Variants in TANGO6 observed in about 807,000 individuals in gnomAD.
TANGO6 encodes transport and Golgi organization protein 6 homolog.
A neutral mutation model predicts 114.2 loss-of-function variants in TANGO6; 90 were observed. The ratio of observed to expected loss-of-function variants is 0.79; its 90% CI spans 0.66 to 0.94. TANGO6 has a LOEUF of 0.94. Ranked by LOEUF, TANGO6 falls within the 40% of genes least tolerant of loss-of-function variation. The pLI is 0.00. For synonymous variants in TANGO6, 477 were observed against 509.8 expected (o/e 0.94, Z 0.87); for missense variants, 1,274 against 1,315.3 (o/e 0.97, Z 0.49).
intron 1 of TANGO6, among the ~76,000 whole-genome samples, chr16:68,845,088 C>T (rs996183623): frequency 1.4e-4 from 21 of 151,946 alleles, no homozygotes; most frequent in African/African-American, 4.6e-4. Flanking sequence ...CTGCTTCAGC[C>T]TCCCGAGTAG....
rs139616994 is a variant in TANGO6, at chr16:68,855,627, G to A, written c.95-4257G>A. ...CAGCCGGGCGTGGTGGTGCATGCCT[G>A]TAATCCCAGCACTTTGGGAGGCTGA... is the stretch of plus-strand genomic sequence containing the variant. On this transcript the variant is annotated intron_variant, in intron 1 of 17. Coordinates refer to ENST00000261778, the MANE Select transcript of TANGO6 (RefSeq NM_024562.2). Among the ~76,000 whole-genome samples, 1,338 of 152,084 alleles carry A rather than the reference G, an allele frequency of 8.8e-3. 16 individuals are homozygous for A. Among genetic ancestry groups the A allele is most frequent in the African/African-American group, 0.028 (1,176 of 41,502 alleles).
intron 1 of TANGO6, among the ~76,000 whole-genome samples, chr16:68,856,621 A>G (rs578154373): frequency 6.6e-6 from 1 of 152,196 alleles, no homozygotes; most frequent in Admixed American, 6.5e-5. Flanking sequence ...TAGTTTCCCC[A>G]TTAACATCTT....
chr16:68,917,200 A>G (rs1357073528), intron 11 of TANGO6, among the ~76,000 whole-genome samples: 1 of 152,030 alleles, frequency 6.6e-6, no homozygotes, highest in Non-Finnish European at 1.5e-5. Context: ...CCTTAGTAAT[A>G]TGCATTCGAG....
At chr16:69,062,876 C>T (rs958007341) in intron 17 of TANGO6, among the ~76,000 whole-genome samples, 1 of 149,412 alleles carries the variant, frequency 6.7e-6, no homozygotes, top group Admixed American at 6.7e-5. Context: ...TGGTGAATCA[C>T]GAGGTCAGGA....
chr16:68,862,962 G>A lies in TANGO6; in HGVS notation c.753G>A (p.Glu251=), dbSNP rs747629055. 300 of 1,596,108 alleles carry A rather than the reference G, an allele frequency of 1.9e-4. No individual in the cohort carries two copies. The highest frequency in any genetic ancestry group is 2.4e-4 in the Non-Finnish European group (282 of 1,171,420). ...TCTTTTAGGTTCTAACTGAAGAGGAGAGAACCCTATCCAGGGGGGCCTTGA... is the reference window on the plus strand; with the variant it reads ...TCTTTTAGGTTCTAACTGAAGAGGAAAGAACCCTATCCAGGGGGGCCTTGA... The part of the protein sequence containing the change: ...TPAEEVLTEE[E]RTLSRGALRD... Residue 251 remains glutamate (E), a synonymous_variant, in exon 3 of 18, where the codon GAG becomes GAA. Transcript: ENST00000261778.
chr16:68,970,496 T>A (rs1963691308), intron 14 of TANGO6, among the ~76,000 whole-genome samples: 1 of 151,548 alleles, frequency 6.6e-6, no homozygotes. Context: ...GGAGAAACCC[T>A]GTCTCTACTA....
intron 15 of TANGO6, among the ~76,000 whole-genome samples, chr16:68,982,591 A>G (rs1963847519): frequency 6.7e-6 from 1 of 149,892 alleles, no homozygotes; most frequent in African/African-American, 2.5e-5. Flanking sequence ...TGGCCTCCCA[A>G]AGTGCTGGGA....
intron 14 of TANGO6, among the ~76,000 whole-genome samples, chr16:68,941,746 A>AG (rs1963355990): frequency 6.6e-6 from 1 of 151,828 alleles, no homozygotes; most frequent in Admixed American, 6.6e-5. Context: ...ACTGTCTCTG[A>AG]GGGAAAAAAA....
At chr16:68,923,374 C>T (rs573876961) in intron 12 of TANGO6, among the ~76,000 whole-genome samples, 6 of 152,030 alleles carry the variant, frequency 3.9e-5, no homozygotes, top group South Asian at 2.1e-4. Context: ...TCATTGCAAA[C>T]GATTAGAGGC....
chr16:68,950,281 A>T (rs1963458580), intron 14 of TANGO6, among the ~76,000 whole-genome samples: 1 of 152,176 alleles, frequency 6.6e-6, no homozygotes, highest in Non-Finnish European at 1.5e-5. Flanking sequence ...TAAAAAAATT[A>T]AAGGCCACAC....
intron 16 of TANGO6, chr16:69,033,760 G>T (rs1012125734): frequency 7.2e-5 from 11 of 152,266 alleles, no homozygotes; most frequent in Admixed American, 4.6e-4. Context: ...TGCAGGACTG[G>T]GCTCGCAGCC....
chr16:68,862,778 G>A (rs1243542769), intron 2 of TANGO6, among the ~76,000 whole-genome samples, 167 bp from the exon 3 acceptor site: 1 of 152,150 alleles, frequency 6.6e-6, no homozygotes, highest in East Asian at 1.9e-4. Context: ...GAGAGGACCA[G>A]GAATGTTTTA....
intron 3 of TANGO6, among the ~76,000 whole-genome samples, chr16:68,864,778 C>T (rs984730188): frequency 6.6e-6 from 1 of 152,072 alleles, no homozygotes; most frequent in African/African-American, 2.4e-5. Flanking sequence ...ATTTGTAAAC[C>T]TTTCCATTCT....
chr16:68,966,375 G>A lies in TANGO6; in HGVS notation c.2702-7653G>A, dbSNP rs148832567. ...AAAAATTAGCCGAGTGTGGTGGTGCGTGCCTATAGTCCCAGCTACTTGGGA... is the reference window on the plus strand; with the variant it reads ...AAAAATTAGCCGAGTGTGGTGGTGCATGCCTATAGTCCCAGCTACTTGGGA... On this transcript the variant is annotated intron_variant, in intron 14 of 17. Coordinates refer to ENST00000261778, the MANE Select transcript of TANGO6 (RefSeq NM_024562.2). Among the ~76,000 whole-genome samples, 65 of 151,832 alleles carry A rather than the reference G, an allele frequency of 4.3e-4. 1 individual carries two copies. In the East Asian group the frequency reaches 0.01, roughly 24 times the overall value.
chr16:68,974,302 G>A (rs1213173072), intron 15 of TANGO6, 134 bp downstream of exon 15: 4 of 958,188 alleles, frequency 4.2e-6, no homozygotes, highest in East Asian at 2.6e-5. Context: ...TACCCATTTA[G>A]GAATTTAGGA....
rs943385429 is a variant in TANGO6, at chr16:69,005,748, A to C, written c.2843-17080A>C. Among the ~76,000 whole-genome samples the C allele has an allele frequency of 2.6e-5, 4 of 150,970 alleles. No individual in the cohort carries two copies. In the Admixed American group the frequency reaches 2.7e-4, roughly 10 times the overall value. Reference sequence around the variant, plus strand: ...GGTTGCAGTGAGCTGAGATTGTGCCATTGTACTCCAGCCTAGGCAACAACA... The same window carrying C: ...GGTTGCAGTGAGCTGAGATTGTGCCCTTGTACTCCAGCCTAGGCAACAACA... On this transcript the variant is annotated intron_variant, in intron 15 of 17. Transcript: ENST00000261778.
chr16:68,949,515 G>A (rs1963449428), intron 14 of TANGO6, among the ~76,000 whole-genome samples: 1 of 152,110 alleles, frequency 6.6e-6, no homozygotes, highest in Non-Finnish European at 1.5e-5. Context: ...CAGCTACTTG[G>A]GAGGCTGAGG....
chr16:68,914,958 T>TACACACACACAC (rs3061679), intron 11 of TANGO6, among the ~76,000 whole-genome samples: 88 of 135,284 alleles, frequency 6.5e-4, no homozygotes, highest in African/African-American at 2.1e-3. Flanking sequence ...TTTTGATATC[T>TACACACACACAC]ACACACACAC....
At chr16:69,000,329 AGACTT>A (rs1317134366) in intron 15 of TANGO6, among the ~76,000 whole-genome samples, 1 of 152,206 alleles carries the variant, frequency 6.6e-6, no homozygotes, top group Non-Finnish European at 1.5e-5. Flanking sequence ...GGTCAGAAAA[AGACTT>A]AATTTAGAAT....
Sources: gnomAD v4.1 joint callset for allele counts (sites outside exome capture counted in the v4.1 genomes callset) on GRCh38, gnomAD v4.1.1 for gene constraint, MANE v1.5 for transcripts, NCBI Gene and HGNC (gene_info 2026-07-23, HGNC 2026-07-21) for gene names.